Variants in TEAD1 observed in about 807,000 individuals in gnomAD.
The protein encoded by TEAD1 is transcriptional enhancer factor TEF-1.
Under a neutral mutation model 54.9 loss-of-function variants are expected in TEAD1, and 9 were observed. The observed-to-expected ratio is 0.16, with a 90% CI of 0.10 to 0.29. The LOEUF (loss-of-function observed/expected upper bound fraction) is 0.29, where lower values mean the gene tolerates loss of function less well. Among genes scored for constraint, TEAD1 ranks in the 10% least tolerant of loss-of-function variants. TEAD1 has a pLI of 1.00. For synonymous variants in TEAD1, 200 were observed against 187.8 expected (o/e 1.07, Z -0.53); for missense variants, 387 against 535.9 (o/e 0.72, Z 2.74).
chr11:12,929,204 G>GTGTGTGTGTGTGTGTGTGT (rs746048067), intron 11 of TEAD1, among the ~76,000 whole-genome samples: 4 of 139,136 alleles, frequency 2.9e-5, no homozygotes, highest in African/African-American at 1.2e-4. Context: ...GTGTGTGTCT[G>GTGTGTGTGTGTGTGTGTGT]CTTTAGGGTT....
At chr11:12,771,702 G>T (rs1448450605) in intron 3 of TEAD1, among the ~76,000 whole-genome samples, 4 of 152,192 alleles carry the variant, frequency 2.6e-5, no homozygotes, top group African/African-American at 9.7e-5. Flanking sequence ...AGCTCAGTCA[G>T]ATTGAAGTTG....
intron 3 of TEAD1, among the ~76,000 whole-genome samples, chr11:12,853,223 TG>T (rs1373881192): frequency 1.3e-5 from 2 of 152,118 alleles, no homozygotes; most frequent in African/African-American, 4.8e-5. Context: ...TACCTTAGCA[TG>T]GCAGGGTGGG....
At chr11:12,784,553 A>G (rs772789279) in intron 3 of TEAD1, among the ~76,000 whole-genome samples, 3 of 152,232 alleles carry the variant, frequency 2.0e-5, no homozygotes, top group East Asian at 1.9e-4. Flanking sequence ...TCCATGTCAT[A>G]TGAAACCTTA....
chr11:12,776,342 C>T (rs557755504), intron 3 of TEAD1, among the ~76,000 whole-genome samples: 3 of 152,220 alleles, frequency 2.0e-5, no homozygotes, highest in South Asian at 2.1e-4. Context: ...ATAGAATGAA[C>T]GGGATCCACA....
intron 2 of TEAD1, among the ~76,000 whole-genome samples, chr11:12,748,124 G>A (rs905068554): frequency 6.6e-6 from 1 of 152,002 alleles, no homozygotes; most frequent in Non-Finnish European, 1.5e-5. Flanking sequence ...ACCACGCCCG[G>A]CTAATTTTTG....
In TEAD1 at chr11:12,939,009, T is replaced by C. The variant is rs2134180879; in HGVS notation, c.*1787T>C. 6.6e-6 allele frequency: 1 copy of C among 152,354 alleles called. No homozygotes were observed. Among genetic ancestry groups the C allele is most frequent in the African/African-American group, 2.4e-5 (1 of 41,574 alleles). The allele number at this position is 152,354 out of a possible 1,614,324, so 9.4% of individuals were successfully genotyped here. ...ACCTGCTTTGACCCTGCTTTTCTAT[T>C]ATTACATCAGTCAGCATCTTGTGGT... On this transcript the variant is annotated 3_prime_UTR_variant, in exon 13 of 13. Transcript: ENST00000527636.
intron 5 of TEAD1, among the ~76,000 whole-genome samples, chr11:12,868,823 C>A (rs1283898575): frequency 6.6e-6 from 1 of 151,460 alleles, no homozygotes; most frequent in Non-Finnish European, 1.5e-5. Flanking sequence ...TCCAGAGTTT[C>A]TGTTCTTGAG....
chr11:12,856,969 C>A (rs1449378785), intron 3 of TEAD1, among the ~76,000 whole-genome samples: 1 of 152,206 alleles, frequency 6.6e-6, no homozygotes, highest in Non-Finnish European at 1.5e-5. Flanking sequence ...AGCCACAGAC[C>A]TTCATTTGCT....
At chr11:12,868,605 G>A (rs1049708789) in intron 5 of TEAD1, among the ~76,000 whole-genome samples, 1 of 152,192 alleles carries the variant, frequency 6.6e-6, no homozygotes, top group African/African-American at 2.4e-5. Flanking sequence ...TGTTCTCAAT[G>A]TGCTTGTTTG....
rs191724452 is a variant in TEAD1, at chr11:12,769,356, G to A, written c.202+4922G>A. Among the ~76,000 whole-genome samples the A allele has an allele frequency of 6.4e-4, 98 of 152,276 alleles. 1 individual carries two copies. The highest frequency in any genetic ancestry group is 6.3e-3 in the Admixed American group (97 of 15,290). On this transcript the variant is annotated intron_variant, in intron 3 of 12. Coordinates refer to ENST00000527636, the MANE Select transcript of TEAD1 (RefSeq NM_021961.6). The stretch of plus-strand genomic sequence containing the variant: ...GGAGCAGAAGTCAGAAGAGGAAAGA[G>A]GGCTTTTTAAATGAGGTAGTGGCAG...
chr11:12,809,856 A>G (rs1479545317), intron 3 of TEAD1, among the ~76,000 whole-genome samples: 1 of 152,142 alleles, frequency 6.6e-6, no homozygotes, highest in Non-Finnish European at 1.5e-5. Context: ...GTGCCTGGCA[A>G]GTCTGCCACA....
At chr11:12,806,879 G>A (rs1008128893) in intron 3 of TEAD1, among the ~76,000 whole-genome samples, 19 of 152,308 alleles carry the variant, frequency 1.2e-4, no homozygotes, top group Admixed American at 1.2e-3. Context: ...TGCAGGTTGT[G>A]CTAAACAATC....
chr11:12,927,707 A>T (rs1564993783), intron 11 of TEAD1, among the ~76,000 whole-genome samples: 1 of 152,058 alleles, frequency 6.6e-6, no homozygotes, highest in Non-Finnish European at 1.5e-5. Flanking sequence ...TTTCAATAAG[A>T]TTTTATCATT....
At chr11:12,861,650 C>T (rs1280539974) in intron 3 of TEAD1, among the ~76,000 whole-genome samples, 1 of 152,174 alleles carries the variant, frequency 6.6e-6, no homozygotes, top group African/African-American at 2.4e-5. Context: ...ATGAGTGACC[C>T]ACCACCCACA....
At chr11:12,856,163 C>A (rs1201243796) in intron 3 of TEAD1, among the ~76,000 whole-genome samples, 1 of 141,106 alleles carries the variant, frequency 7.1e-6, no homozygotes, top group Non-Finnish European at 1.5e-5. Context: ...TGTTCATGAT[C>A]TGGTGCCAAA....
chr11:12,810,138 G>C (rs1470052492), intron 3 of TEAD1, among the ~76,000 whole-genome samples: 2 of 151,900 alleles, frequency 1.3e-5, no homozygotes, highest in African/African-American at 4.8e-5. Flanking sequence ...ACACCACCAC[G>C]CCTGGCTAAT....
intron 3 of TEAD1, among the ~76,000 whole-genome samples, chr11:12,788,049 G>A (rs1038651603): frequency 2.0e-5 from 3 of 149,492 alleles, no homozygotes; most frequent in African/African-American, 7.4e-5. Context: ...TGCAACCTCC[G>A]CCTCCAGAGT....
chr11:12,860,683 A>G (rs969021715), intron 3 of TEAD1, among the ~76,000 whole-genome samples: 3 of 152,234 alleles, frequency 2.0e-5, no homozygotes, highest in Non-Finnish European at 4.4e-5. Context: ...CTAGGGGGAC[A>G]TTGAGGAAGA....
At chr11:12,928,056 A>T (rs1180260789) in intron 11 of TEAD1, among the ~76,000 whole-genome samples, 1 of 152,190 alleles carries the variant, frequency 6.6e-6, no homozygotes, top group African/African-American at 2.4e-5. Flanking sequence ...TATTAGTTAC[A>T]GCTGCAATAC....
Sources: gnomAD v4.1 joint callset for allele counts (sites outside exome capture counted in the v4.1 genomes callset) on GRCh38, gnomAD v4.1.1 for gene constraint, MANE v1.5 for transcripts, NCBI Gene and HGNC (gene_info 2026-07-23, HGNC 2026-07-21) for gene names.